Variants in TRPM3 observed in about 807,000 individuals in gnomAD.
The protein encoded by TRPM3 is long transient receptor potential channel 3.
A neutral mutation model predicts 181.2 loss-of-function variants in TRPM3; 77 were observed. The ratio of observed to expected loss-of-function variants is 0.42; its 90% confidence interval spans 0.35 to 0.51. The LOEUF is 0.51. TRPM3 is among the 20% of genes least tolerant of loss of function. The pLI, the probability that TRPM3 is intolerant of heterozygous loss-of-function variation, is 0.01. For synonymous variants in TRPM3, 745 were observed against 796.4 expected (o/e 0.94, Z 1.09); for missense variants, 1,759 against 2,196.7 (o/e 0.80, Z 3.98).
At chr9:71,317,702 C>T (rs970471729) in intron 1 of TRPM3, among the ~76,000 whole-genome samples, 6 of 151,648 alleles carry the variant, frequency 4.0e-5, no homozygotes, top group African/African-American at 9.7e-5. Context: ...CACGCGCACA[C>T]GCGCGAGAGA....
At chr9:71,132,108 T>A (rs1182567256) in intron 1 of TRPM3, among the ~76,000 whole-genome samples, 6 of 152,246 alleles carry the variant, frequency 3.9e-5, no homozygotes, top group African/African-American at 1.4e-4. Context: ...CCGATGTTGA[T>A]GCCTCACAAA....
intron 8 of TRPM3, among the ~76,000 whole-genome samples, chr9:70,749,124 C>G (rs1357240113): frequency 1.3e-5 from 2 of 152,106 alleles, no homozygotes; most frequent in Non-Finnish European, 2.9e-5. Context: ...TCTCAGCCTC[C>G]CATTACTAAT....
intron 8 of TRPM3, among the ~76,000 whole-genome samples, chr9:70,743,366 T>G (rs1044645172): frequency 6.6e-6 from 1 of 152,208 alleles, no homozygotes; most frequent in Non-Finnish European, 1.5e-5. Context: ...CCTTTGAAAC[T>G]TTTATTTATT....
rs560284695 is a variant in TRPM3 at position 70,577,339 on chromosome 9, G to A, written c.3223+13692C>T. Among the ~76,000 whole-genome samples the A allele has an allele frequency of 3.3e-4, 51 of 152,382 alleles. No homozygotes were observed. The Middle Eastern group carries it at 0.017, about 51-fold the overall frequency. On this transcript the variant is annotated intron_variant, in intron 22 of 25. Coordinates refer to ENST00000677713, the MANE Select transcript of TRPM3 (RefSeq NM_001366145.2). Reference sequence around the variant, plus strand: ...TTCTGTTCTAATGCAGAAGTTAAGAGCGTGGGTCTAGAAGTCAGATGGGCC... The same window carrying A: ...TTCTGTTCTAATGCAGAAGTTAAGAACGTGGGTCTAGAAGTCAGATGGGCC...
chr9:71,101,760 G>T (rs1423999175), intron 1 of TRPM3, among the ~76,000 whole-genome samples: 1 of 152,150 alleles, frequency 6.6e-6, no homozygotes, highest in Non-Finnish European at 1.5e-5. Context: ...TCAAAGAGTA[G>T]ATATGTCCTC....
chr9:70,946,838 T>A (rs2096938900), intron 1 of TRPM3, among the ~76,000 whole-genome samples: 2 of 152,174 alleles, frequency 1.3e-5, no homozygotes, highest in South Asian at 2.1e-4. Context: ...ATCTAATGTA[T>A]AATCTATTGC....
chr9:70,621,858 GAGAATAGA>G lies in TRPM3; in HGVS notation c.1810-593_1810-586del, dbSNP rs145484955. Among the ~76,000 whole-genome samples the G allele has an allele frequency of 5.4e-3, 819 of 152,316 alleles. 6 individuals are homozygous for G. The highest frequency in any genetic ancestry group is 0.018 in the African/African-American group (751 of 41,564). ...CTAGCCAGGCATAATGAGATTGCCTGAGAATAGAGCCTGCAGGTTTATAATGTCTTTTG... is the reference window on the plus strand; with the variant it reads ...CTAGCCAGGCATAATGAGATTGCCTGGCCTGCAGGTTTATAATGTCTTTTG... On this transcript the variant is annotated intron_variant, in intron 14 of 25. Coordinates refer to ENST00000677713, the MANE Select transcript of TRPM3 (RefSeq NM_001366145.2).
At position 71,028,470 on chromosome 9, in the gene TRPM3, C is replaced by T. The variant is rs1209367156; in HGVS notation, c.177+92708G>A. Among the ~76,000 whole-genome samples the T allele has an allele frequency of 3.3e-5, 5 of 152,196 alleles. No individual in the cohort carries two copies. In the East Asian group the frequency reaches 9.6e-4, roughly 29 times the overall value. On this transcript the variant is annotated intron_variant, in intron 1 of 25. Transcript: ENST00000677713. ...TCAAATCCACATGTATCAATACTAA[C>T]CTTGAATGCAAATGGACTAAATGCC... is the stretch of plus-strand genomic sequence containing the variant.
intron 1 of TRPM3, among the ~76,000 whole-genome samples, chr9:71,117,444 C>T (rs984223234): frequency 3.3e-5 from 5 of 152,126 alleles, no homozygotes; most frequent in African/African-American, 4.8e-5. Flanking sequence ...GTTGTTTACC[C>T]GTTTCCTTCT....
At chr9:71,291,448 T>C (rs2085802137) in intron 1 of TRPM3, among the ~76,000 whole-genome samples, 1 of 152,164 alleles carries the variant, frequency 6.6e-6, no homozygotes, top group Admixed American at 6.6e-5. Flanking sequence ...ATTGCCTGAT[T>C]CATGAATTGC....
chr9:71,166,401 G>C (rs2076543270), intron 1 of TRPM3, among the ~76,000 whole-genome samples: 1 of 152,126 alleles, frequency 6.6e-6, no homozygotes, highest in Non-Finnish European at 1.5e-5. Flanking sequence ...CTTAGGCCTA[G>C]TCTCTCTAAG....
Position 70,974,241 on chromosome 9 carries a change from G to A in TRPM3, c.178-109730C>T, listed in dbSNP as rs1416400649. On this transcript the variant is annotated intron_variant, in intron 1 of 25. Transcript: ENST00000677713. ...TTGTTTTTAAACAGAGGAGAAATGT[G>A]TTTAAATAATTTACGTGGCCGGGCG... Among the ~76,000 whole-genome samples, 10 of 152,084 alleles carry A rather than the reference G, an allele frequency of 6.6e-5. No individual in the cohort carries two copies. The East Asian group carries it at 1.7e-3, about 26-fold the overall frequency.
At chr9:70,697,636 A>C (rs1162893837) in intron 8 of TRPM3, among the ~76,000 whole-genome samples, 1 of 152,122 alleles carries the variant, frequency 6.6e-6, no homozygotes, top group Non-Finnish European at 1.5e-5. Context: ...TCCCAAGAGG[A>C]GTAATTCTTT....
In TRPM3 at chr9:70,625,172, A is replaced by G; in HGVS notation, c.1809+19T>C. On this transcript the variant is annotated intron_variant, in intron 14 of 25. Transcript: ENST00000677713. The surrounding 1 kb of genome is among the most constrained non-coding windows in gnomAD (Gnocchi z 4.8). ...CCTAGTCCTCCCAGGAAGGGCCCCG[A>G]ATTTGCAGCCAGCCTCACCCTCTTG... 1 of 1,613,748 alleles carries G rather than the reference A, an allele frequency of 6.2e-7. No individual in the cohort carries two copies. The highest frequency in any genetic ancestry group is 8.5e-7 in the Non-Finnish European group (1 of 1,179,794).
chr9:70,632,167 T>G (rs1391359814), intron 12 of TRPM3, among the ~76,000 whole-genome samples: 1 of 152,206 alleles, frequency 6.6e-6, no homozygotes, highest in Admixed American at 6.5e-5. Flanking sequence ...CAAGATTTTC[T>G]TAGCATTTTA....
chr9:71,301,037 T>TCAAATGAATATGTATAGGGTA lies in TRPM3; in HGVS notation c.183+145595_183+145615dup, dbSNP rs564578929. Reference sequence around the variant, plus strand: ...TCACCACGCTCTCATTTCATCACCATCAAATGAATATGTATAGGGTACTTC... The same window carrying TCAAATGAATATGTATAGGGTA: ...TCACCACGCTCTCATTTCATCACCATCAAATGAATATGTATAGGGTACAAATGAATATGTATAGGGTACTTC... On this transcript the variant is annotated intron_variant, in intron 1 of 24. Coordinates refer to the TRPM3 transcript ENST00000357533. Among the ~76,000 whole-genome samples, 519 of 152,254 alleles carry TCAAATGAATATGTATAGGGTA rather than the reference T, an allele frequency of 3.4e-3. 3 individuals carry two copies. The highest frequency in any genetic ancestry group is 0.012 in the African/African-American group (500 of 41,542).
chr9:70,975,165 G>A (rs531401281), intron 1 of TRPM3, among the ~76,000 whole-genome samples: 55 of 152,182 alleles, frequency 3.6e-4, no homozygotes, highest in African/African-American at 1.2e-3. Context: ...ACCGCACCCC[G>A]CCTGGAACAT....
intron 8 of TRPM3, among the ~76,000 whole-genome samples, chr9:70,751,352 T>C (rs139123261): frequency 1.3e-5 from 2 of 152,066 alleles, no homozygotes; most frequent in African/African-American, 4.8e-5. Context: ...TGAATAATGA[T>C]AGAAAAATAT....
intron 1 of TRPM3, among the ~76,000 whole-genome samples, chr9:71,304,739 G>T (rs2087106942): frequency 6.6e-6 from 1 of 152,110 alleles, no homozygotes; most frequent in Non-Finnish European, 1.5e-5. Flanking sequence ...CTCTCTTGAG[G>T]CGCATTTAAA....
Sources: gnomAD v4.1 joint callset for allele counts (sites outside exome capture counted in the v4.1 genomes callset) on GRCh38, gnomAD v4.1.1 for gene constraint, Gnocchi (gnomAD v3.1) non-coding constraint, MANE v1.5 for transcripts, NCBI Gene and HGNC (gene_info 2026-07-23, HGNC 2026-07-21) for gene names.